SNX30: variants seen among roughly 807,000 people sequenced by gnomAD.
The protein encoded by SNX30 is sorting nexin-30.
A neutral mutation model predicts 46.4 loss-of-function variants in SNX30; 24 were observed. That is an observed-to-expected ratio of 0.52 (90% confidence interval 0.37 to 0.73). The LOEUF (loss-of-function observed/expected upper bound fraction) is 0.73, where lower values mean the gene tolerates loss of function less well. Among genes scored for constraint, SNX30 ranks in the 30% least tolerant of loss-of-function variants. The pLI, the probability that SNX30 is intolerant of heterozygous loss-of-function variation, is 0.00. For missense variants in SNX30, 533 were observed against 555.7 expected (o/e 0.96, Z 0.41); for synonymous variants, 189 against 211.5 (o/e 0.89, Z 0.92).
intron 7 of SNX30, among the ~76,000 whole-genome samples, chr9:112,859,529 C>G (rs1013330870): frequency 6.6e-6 from 1 of 152,186 alleles, no homozygotes; most frequent in Non-Finnish European, 1.5e-5. Context: ...TGAGGAATCT[C>G]CATACTGTTT....
chr9:112,815,793 T>A (rs1253877457), intron 2 of SNX30, among the ~76,000 whole-genome samples: 1 of 152,240 alleles, frequency 6.6e-6, no homozygotes, highest in Non-Finnish European at 1.5e-5. Flanking sequence ...TGGCAAGTTC[T>A]CACATGGAGC....
chr9:112,850,859 A>G lies in SNX30; in HGVS notation c.1015A>G (p.Ser339Gly), dbSNP rs911018436. The G allele has an allele frequency of 6.2e-7, 1 of 1,612,518 alleles. No individual in the cohort carries two copies. The highest frequency in any genetic ancestry group is 1.1e-5 in the South Asian group (1 of 91,000). ...TGCTTCTCTCCTCTGCCTCCCACAGAGTGTATTGAAGAAGAGGGACCAAGT... is the reference window on the plus strand; with the variant it reads ...TGCTTCTCTCCTCTGCCTCCCACAGGGTGTATTGAAGAAGAGGGACCAAGT... ...EYILYSDSMKSVLKKRDQVQA... is the reference protein window; with the variant it reads ...EYILYSDSMKGVLKKRDQVQA... Residue 339 changes from serine (S) to glycine (G), a missense_variant and splice_region_variant, in exon 7 of 9, where the codon AGT (serine) becomes GGT (glycine). This residue lies in a region of SNX30 where 261 missense variants were observed against 270.9 expected (regional missense o/e 0.96). Transcript: ENST00000374232.
At chr9:112,759,660 T>A (rs766540144) in intron 1 of SNX30, among the ~76,000 whole-genome samples, 8 of 149,146 alleles carry the variant, frequency 5.4e-5, no homozygotes, top group Admixed American at 1.4e-4. Context: ...ACCGGGGAGG[T>A]GGAGGTTGCA....
At chr9:112,803,830 AGTCTCGTGGTGCGCC>A (rs1333728133) in intron 1 of SNX30, among the ~76,000 whole-genome samples, 1 of 41,366 alleles carries the variant, frequency 2.4e-5, no homozygotes, top group Admixed American at 2.7e-4. Flanking sequence ...TGTGGGATAT[AGTCTCGTGGTGCGCC>A]GTTTCTTAAG....
intron 1 of SNX30, among the ~76,000 whole-genome samples, chr9:112,752,989 G>A (rs1412082766): frequency 6.6e-6 from 1 of 152,198 alleles, no homozygotes; most frequent in Non-Finnish European, 1.5e-5. Flanking sequence ...TGATCCAAGA[G>A]AGCTCAAGAC....
At chr9:112,760,037 A>G (rs750981581) in intron 1 of SNX30, among the ~76,000 whole-genome samples, 2 of 152,116 alleles carry the variant, frequency 1.3e-5, no homozygotes, top group South Asian at 2.1e-4. Context: ...GTCGATTTCT[A>G]TATTAGTTGA....
At chr9:112,843,951 A>G (rs1459427946) in intron 6 of SNX30, among the ~76,000 whole-genome samples, 7 of 152,274 alleles carry the variant, frequency 4.6e-5, no homozygotes, top group African/African-American at 1.7e-4. Flanking sequence ...AAGAGAAGCC[A>G]TTTGGTTTTA....
chr9:112,813,783 AT>A (rs1366198771), intron 2 of SNX30, among the ~76,000 whole-genome samples: 5 of 150,046 alleles, frequency 3.3e-5, no homozygotes, highest in Admixed American at 1.3e-4. Context: ...TCTTATCTAA[AT>A]TTAAAAAAAA....
intron 7 of SNX30, among the ~76,000 whole-genome samples, chr9:112,861,313 C>CT (rs11378268): frequency 0.018 from 2,733 of 152,314 alleles, 79 homozygotes; most frequent in African/African-American, 0.063. Flanking sequence ...TCTGCCTTCT[C>CT]TTTTTGCTTT....
chr9:112,876,256 A>G (rs1588147335), downstream of SNX30, among the ~76,000 whole-genome samples: 5 of 152,278 alleles, frequency 3.3e-5, no homozygotes, highest in Admixed American at 3.3e-4. Context: ...TGGACCGGAG[A>G]TGACTGGAAG....
rs575152608 is a variant in SNX30 at position 112,846,846 on chromosome 9, T to C, written c.1015-4013T>C. Among the ~76,000 whole-genome samples the C allele has an allele frequency of 2.0e-5, 3 of 152,302 alleles. No homozygotes were observed. In the South Asian group the frequency reaches 6.2e-4, roughly 32 times the overall value. On this transcript the variant is annotated intron_variant, in intron 6 of 8. Coordinates refer to ENST00000374232, the MANE Select transcript of SNX30 (RefSeq NM_001012994.2). ...AGAGGCTTTTTGGTAGCTGCTGACC[T>C]TTGGCGCTGGGGCTCCTTTTCTGCC...
intron 1 of SNX30, among the ~76,000 whole-genome samples, chr9:112,795,176 CTGTGTGTG>C (rs566829976): frequency 6.6e-6 from 1 of 151,526 alleles, no homozygotes; most frequent in African/African-American, 2.4e-5. Context: ...GTGTGTGTGT[CTGTGTGTG>C]TGTGTATGAG....
intron 6 of SNX30, among the ~76,000 whole-genome samples, chr9:112,849,540 C>T (rs1447096851): frequency 6.6e-6 from 1 of 152,138 alleles, no homozygotes; most frequent in Non-Finnish European, 1.5e-5. Context: ...GAGGGAATGT[C>T]AGGGCACTTA....
chr9:112,753,155 G>A (rs1839302354), intron 1 of SNX30, among the ~76,000 whole-genome samples: 1 of 152,152 alleles, frequency 6.6e-6, no homozygotes, highest in Non-Finnish European at 1.5e-5. Context: ...TTGGAGACTG[G>A]CTACTACAGA....
At chr9:112,763,815 C>T (rs922877049) in intron 1 of SNX30, among the ~76,000 whole-genome samples, 3 of 149,494 alleles carry the variant, frequency 2.0e-5, no homozygotes, top group Non-Finnish European at 4.4e-5. Flanking sequence ...TGCCACTGCA[C>T]TCCAGCCTGG....
intron 1 of SNX30, among the ~76,000 whole-genome samples, chr9:112,791,359 C>T (rs2131387938): frequency 8.2e-6 from 1 of 122,592 alleles, no homozygotes; most frequent in Middle Eastern, 5.6e-3. Context: ...AGATTAATTG[C>T]TGATGTTTTC....
At chr9:112,798,005 C>T (rs1019898234) in intron 1 of SNX30, among the ~76,000 whole-genome samples, 6 of 151,102 alleles carry the variant, frequency 4.0e-5, no homozygotes, top group South Asian at 2.1e-4. Flanking sequence ...AGGCACTGCG[C>T]GCCCAGCCAG....
chr9:112,798,126 T>G (rs1447613624), intron 1 of SNX30, among the ~76,000 whole-genome samples: 2 of 56,936 alleles, frequency 3.5e-5, no homozygotes, highest in Non-Finnish European at 7.9e-5. Flanking sequence ...TTTTTCTTTT[T>G]TTTTTTTTTT....
At chr9:112,834,289 T>C (rs897934450) in intron 4 of SNX30, among the ~76,000 whole-genome samples, 2 of 152,114 alleles carry the variant, frequency 1.3e-5, no homozygotes, top group Admixed American at 1.3e-4. Flanking sequence ...GACTCAGTCC[T>C]CAAGTCTGAG....
Sources: allele counts gnomAD v4.1 joint callset (sites outside exome capture counted in the v4.1 genomes callset), GRCh38; gene constraint gnomAD v4.1.1; regional missense constraint gnomAD v4.1.1; transcripts MANE v1.5; gene names NCBI Gene and HGNC (gene_info 2026-07-23, HGNC 2026-07-21).